FAM47E: variants seen among roughly 807,000 people sequenced by gnomAD.
FAM47E encodes family with sequence similarity 47 member E.
A neutral mutation model predicts 41.6 loss-of-function variants in FAM47E; 32 were observed. The ratio of observed to expected loss-of-function variants is 0.77; its 90% CI spans 0.58 to 1.03. The LOEUF is 1.03. FAM47E is among the 50% of genes least tolerant of loss of function. The pLI, the probability that FAM47E is intolerant of heterozygous loss-of-function variation, is 0.00. For synonymous variants in FAM47E, 184 were observed against 188.7 expected, an observed-to-expected ratio of 0.98 and a Z score of 0.20; for missense variants, 424 against 485.4, an observed-to-expected ratio of 0.87 and a Z score of 1.19.
intron 2 of FAM47E, among the ~76,000 whole-genome samples, chr4:76,223,865 G>A (rs1402815428): frequency 6.6e-6 from 1 of 152,108 alleles, no homozygotes; most frequent in Non-Finnish European, 1.5e-5. Flanking sequence ...GAGTCTCCCT[G>A]GACTATTGAA....
At chr4:76,282,240 C>T (rs1357060410) in intron 7 of FAM47E, 1 of 152,070 alleles carries the variant, frequency 6.6e-6, no homozygotes, top group Non-Finnish European at 1.5e-5. Context: ...TCCATGGAAA[C>T]AGGAGGTGAA....
chr4:76,271,882 G>A, intron 5 of FAM47E, 114 bp downstream of exon 5: 1 of 1,235,182 alleles, frequency 8.1e-7, no homozygotes, highest in South Asian at 1.9e-5. Context: ...GTAGAATTCT[G>A]GAATTTTTTT....
At chr4:76,259,741 G>T (rs997762082) in intron 2 of FAM47E, among the ~76,000 whole-genome samples, 2 of 152,060 alleles carry the variant, frequency 1.3e-5, no homozygotes, top group Non-Finnish European at 2.9e-5. Flanking sequence ...TGAATGGATT[G>T]GTCATGAGAT....
At chr4:76,235,320 A>AAAAT (rs940005810) in intron 2 of FAM47E, among the ~76,000 whole-genome samples, 7 of 152,218 alleles carry the variant, frequency 4.6e-5, no homozygotes, top group Non-Finnish European at 8.8e-5. Flanking sequence ...TCCGTCTCAA[A>AAAAT]AAATAAATAA....
intron 2 of FAM47E, among the ~76,000 whole-genome samples, chr4:76,218,426 A>G (rs1480726976): frequency 6.6e-6 from 1 of 152,136 alleles, no homozygotes; most frequent in African/African-American, 2.4e-5. Context: ...CTCATATACC[A>G]TTTATATTAT....
chr4:76,224,803 T>C (rs1239925222), intron 2 of FAM47E, among the ~76,000 whole-genome samples: 1 of 152,118 alleles, frequency 6.6e-6, no homozygotes, highest in African/African-American at 2.4e-5. Flanking sequence ...TTTGGTTGCA[T>C]GGAAAAGTTC....
intron 2 of FAM47E, among the ~76,000 whole-genome samples, chr4:76,232,974 C>CA (rs1298034562): frequency 6.6e-6 from 1 of 152,158 alleles, no homozygotes; most frequent in East Asian, 1.9e-4. Flanking sequence ...GATTAATTTC[C>CA]ATAATTCTTG....
At chr4:76,254,749 G>T (rs1734118430) in intron 1 of FAM47E, among the ~76,000 whole-genome samples, 1 of 152,184 alleles carries the variant, frequency 6.6e-6, no homozygotes. Context: ...AGGACACAAA[G>T]ACTCTAGAAT....
intron 2 of FAM47E, among the ~76,000 whole-genome samples, chr4:76,223,922 C>G (rs1285172510): frequency 6.6e-6 from 1 of 152,122 alleles, no homozygotes; most frequent in African/African-American, 2.4e-5. Flanking sequence ...GGGCTGCTAC[C>G]CTATCCCTGA....
At chr4:76,245,611 A>G (rs761591157) in intron 2 of FAM47E, among the ~76,000 whole-genome samples, 1 of 152,180 alleles carries the variant, frequency 6.6e-6, no homozygotes, top group Non-Finnish European at 1.5e-5. Context: ...AGGCAGGGGC[A>G]GTGAAGAACA....
chr4:76,272,789 G>A (rs1734946451), intron 5 of FAM47E, among the ~76,000 whole-genome samples: 1 of 152,152 alleles, frequency 6.6e-6, no homozygotes, highest in African/African-American at 2.4e-5. Context: ...AAATAGTTAT[G>A]CAAACACTAC....
intron 2 of FAM47E, among the ~76,000 whole-genome samples, chr4:76,245,117 G>A (rs1180810770): frequency 6.6e-6 from 1 of 151,818 alleles, no homozygotes; most frequent in East Asian, 1.9e-4. Flanking sequence ...CGATGCTGCA[G>A]CAACATCCTC....
chr4:76,220,253 G>A (rs571794254), intron 2 of FAM47E, among the ~76,000 whole-genome samples: 9 of 152,272 alleles, frequency 5.9e-5, no homozygotes, highest in African/African-American at 1.4e-4. Flanking sequence ...AGGTGGAACC[G>A]ACCCAAATGT....
At chr4:76,266,802 CTT>C (rs1219002179) in intron 3 of FAM47E, among the ~76,000 whole-genome samples, 3 of 152,208 alleles carry the variant, frequency 2.0e-5, no homozygotes, top group Non-Finnish European at 4.4e-5. Flanking sequence ...CTATTCTACT[CTT>C]TAATTACTCC....
chr4:76,250,317 C>T (rs1733925200), upstream of FAM47E, among the ~76,000 whole-genome samples: 1 of 152,056 alleles, frequency 6.6e-6, no homozygotes, highest in Admixed American at 6.5e-5. Flanking sequence ...TTAGTGATAT[C>T]TAGCCTTTTT....
At chr4:76,257,140 A>G (rs1329077445) in intron 2 of FAM47E, among the ~76,000 whole-genome samples, 1 of 152,172 alleles carries the variant, frequency 6.6e-6, no homozygotes, top group African/African-American at 2.4e-5. Context: ...TATTTCAGAC[A>G]AGAAGAGGGA....
intron 1 of FAM47E, among the ~76,000 whole-genome samples, chr4:76,255,596 G>A (rs937858442): frequency 2.1e-4 from 32 of 152,112 alleles, no homozygotes; most frequent in African/African-American, 7.3e-4. Flanking sequence ...GTTGTCAGTG[G>A]GATCCAGGTT....
intron 5 of FAM47E, among the ~76,000 whole-genome samples, chr4:76,273,517 G>T (rs4859438): frequency 0.36 from 54,130 of 151,650 alleles, 10,177 homozygotes; most frequent in Admixed American, 0.42. Flanking sequence ...CTTTTTGGGG[G>T]GATGTGCTTT....
At chr4:76,239,578 G>A (rs1010632760) in intron 2 of FAM47E, among the ~76,000 whole-genome samples, 2 of 151,968 alleles carry the variant, frequency 1.3e-5, no homozygotes, top group African/African-American at 2.4e-5. Context: ...AAATCATGTT[G>A]TTTTTTGTTG....
Sources: gnomAD v4.1 joint callset for allele counts (sites outside exome capture counted in the v4.1 genomes callset) on GRCh38, gnomAD v4.1.1 for gene constraint, MANE v1.5 for transcripts, NCBI Gene and HGNC (gene_info 2026-07-23, HGNC 2026-07-21) for gene names.